The following FARS2 variants were observed in gnomAD, a reference collection of about 807,000 sequenced individuals.
FARS2 encodes the protein phenylalanine--tRNA ligase, mitochondrial.
Under a neutral mutation model 46.4 loss-of-function variants are expected in FARS2, and 40 were observed. That is an observed-to-expected ratio of 0.86 (90% CI 0.67 to 1.12). FARS2 has a LOEUF of 1.12. Ranked by LOEUF, FARS2 falls within the 50% of genes most tolerant of loss-of-function variation. The probability of loss-of-function intolerance (pLI) is 0.00; values close to 1 mark genes in which losing one functional copy is unlikely to be tolerated. For synonymous variants in FARS2, 234 were observed against 214.9 expected, an observed-to-expected ratio of 1.09 and a Z score of -0.78; for missense variants, 513 against 567.9, an observed-to-expected ratio of 0.90 and a Z score of 0.98.
intron 2 of FARS2, among the ~76,000 whole-genome samples, chr6:5,374,067 A>T (rs138081594): frequency 2.0e-5 from 3 of 152,070 alleles, no homozygotes; most frequent in African/African-American, 7.2e-5. Flanking sequence ...ACATATTGAA[A>T]TACCTAAGGG....
At chr6:5,687,549 T>G (rs557318498) in intron 6 of FARS2, among the ~76,000 whole-genome samples, 53 of 152,322 alleles carry the variant, frequency 3.5e-4, no homozygotes, top group African/African-American at 1.2e-3. Flanking sequence ...TTCTGCTCCA[T>G]TGGTCTATAT....
chr6:5,278,718 C>T (rs1766508722), intron 1 of FARS2, among the ~76,000 whole-genome samples: 1 of 152,186 alleles, frequency 6.6e-6, no homozygotes, highest in Non-Finnish European at 1.5e-5. Flanking sequence ...ATGATTTCCA[C>T]ATTTGACTCT....
intron 3 of FARS2, among the ~76,000 whole-genome samples, chr6:5,428,993 T>C (rs1029633357): frequency 6.6e-6 from 1 of 152,260 alleles, no homozygotes; most frequent in African/African-American, 2.4e-5. Context: ...ACATTCTGTA[T>C]GTTTTCATTT....
chr6:5,711,195 C>T (rs746589362), intron 6 of FARS2, among the ~76,000 whole-genome samples: 29 of 151,754 alleles, frequency 1.9e-4, no homozygotes, highest in Non-Finnish European at 3.8e-4. Flanking sequence ...GACTGGAACA[C>T]GTAAGAAGCA....
In FARS2 at chr6:5,670,878, A is replaced by G. The variant is rs1393421581; in HGVS notation, c.1217+57558A>G. Among the ~76,000 whole-genome samples, 4 of 152,158 alleles carry G rather than the reference A, an allele frequency of 2.6e-5. No individual in the cohort carries two copies. In the East Asian group the frequency reaches 7.7e-4, roughly 29 times the overall value. On this transcript the variant is annotated intron_variant, in intron 6 of 6. Transcript: ENST00000274680. Reference sequence around the variant, plus strand: ...CCGGGGCTCTTCATAATTATTACGAATTCTTAAGACTGAAATCAGGTGGCT... The same window carrying G: ...CCGGGGCTCTTCATAATTATTACGAGTTCTTAAGACTGAAATCAGGTGGCT...
intron 5 of FARS2, among the ~76,000 whole-genome samples, chr6:5,587,032 T>C (rs1347320227): frequency 2.6e-5 from 4 of 152,162 alleles, no homozygotes; most frequent in African/African-American, 9.7e-5. Context: ...ACTAAATGCT[T>C]TTATTATAAA....
chr6:5,357,128 C>T (rs1757985195), intron 1 of FARS2, among the ~76,000 whole-genome samples: 1 of 152,046 alleles, frequency 6.6e-6, no homozygotes, highest in Non-Finnish European at 1.5e-5. Flanking sequence ...TGTTTGATGT[C>T]CATCTTTTCG....
chr6:5,448,542 C>G (rs1764306592), intron 4 of FARS2, among the ~76,000 whole-genome samples: 1 of 151,316 alleles, frequency 6.6e-6, no homozygotes, highest in Non-Finnish European at 1.5e-5. Flanking sequence ...TTTCTATTCA[C>G]AGCTGCATGG....
chr6:5,602,789 C>A (rs1774610716), intron 5 of FARS2, among the ~76,000 whole-genome samples: 1 of 152,100 alleles, frequency 6.6e-6, no homozygotes. Context: ...AACCAGAATC[C>A]CACTTTTTAC....
At chr6:5,446,215 AAAG>A (rs1166497545) in intron 4 of FARS2, among the ~76,000 whole-genome samples, 1 of 151,956 alleles carries the variant, frequency 6.6e-6, no homozygotes, top group Non-Finnish European at 1.5e-5. Flanking sequence ...AAAAAAAAAA[AAAG>A]AAAATTTTTT....
rs776868850 is a variant in FARS2 at position 5,413,509 on chromosome 6, TC to T, written c.772+8810del. The stretch of plus-strand genomic sequence containing the variant: ...AGATTTAGGGAGAGAGGGAAGATTC[TC>T]CTTCTACTCTTTAGGTTCATAGAAA... On this transcript the variant is annotated intron_variant, in intron 3 of 6. Coordinates refer to ENST00000274680, the MANE Select transcript of FARS2 (RefSeq NM_006567.5). Among the ~76,000 whole-genome samples, 11 of 152,296 alleles carry T rather than the reference TC, an allele frequency of 7.2e-5. No individual in the cohort carries two copies. In the South Asian group the frequency reaches 1.0e-3, roughly 14 times the overall value.
intron 1 of FARS2, among the ~76,000 whole-genome samples, chr6:5,271,852 A>G (rs1033865676): frequency 9.9e-5 from 15 of 152,164 alleles, no homozygotes; most frequent in Middle Eastern, 3.4e-3. Flanking sequence ...TGTTTCTTCA[A>G]CATTTTACAT....
Position 5,705,735 on chromosome 6 carries a change from C to T in FARS2, c.1218-65556C>T, listed in dbSNP as rs1758712053. Among the ~76,000 whole-genome samples the T allele has an allele frequency of 2.0e-5, 3 of 152,184 alleles. No homozygotes were observed. In the South Asian group the frequency reaches 6.2e-4, roughly 32 times the overall value. ...CGAGCCATTTGGAATGTTCCCATTT[C>T]TTGAACACCTCCATGCACCCATCCC... On this transcript the variant is annotated intron_variant, in intron 6 of 6. Transcript: ENST00000274680.
chr6:5,368,801 C>T lies in FARS2; in HGVS notation c.231C>T (p.Asn77=), dbSNP rs777130213. 3 of 1,614,194 alleles carry T rather than the reference C, an allele frequency of 1.9e-6. No individual in the cohort carries two copies. Among genetic ancestry groups the T allele is most frequent in the South Asian group, 2.2e-5 (2 of 91,074 alleles). Residue 77 remains asparagine, a synonymous_variant, in exon 2 of 7, where the codon AAC becomes AAT. Transcript: ENST00000274680. The stretch of plus-strand genomic sequence containing the variant: ...AGGTCCTCACCAGAGTTGGCAGGAA[C>T]CTGCACAACCAGCAGCATCACCCTC... The part of the protein sequence containing the change: ...TRKVLTRVGR[N]LHNQQHHPLW...
intron 1 of FARS2, among the ~76,000 whole-genome samples, chr6:5,310,097 T>TGGTTTTCAAATCACTAGGGAAAGTA (rs1160287883): frequency 1.3e-5 from 2 of 152,174 alleles, no homozygotes; most frequent in East Asian, 3.8e-4. Context: ...ATGATAATGA[T>TGGTTTTCAAATCACTAGGGAAAGTA]GGTTTTCAAA....
At chr6:5,655,818 T>A (rs1306446714) in intron 6 of FARS2, among the ~76,000 whole-genome samples, 1 of 152,216 alleles carries the variant, frequency 6.6e-6, no homozygotes, top group African/African-American at 2.4e-5. Context: ...CTACCACAGG[T>A]GCTAATTAAA....
intron 1 of FARS2, among the ~76,000 whole-genome samples, chr6:5,332,643 C>G (rs1770876306): frequency 6.6e-6 from 1 of 152,198 alleles, no homozygotes; most frequent in African/African-American, 2.4e-5. Flanking sequence ...ACTGTTAATA[C>G]ACCTGAAGGT....
chr6:5,475,510 C>G (rs1171849196), intron 4 of FARS2, among the ~76,000 whole-genome samples: 3 of 152,186 alleles, frequency 2.0e-5, no homozygotes, highest in African/African-American at 7.2e-5. Context: ...GCGTTTCAGA[C>G]TAGGACTCTC....
chr6:5,707,982 C>G (rs753198134), intron 6 of FARS2, among the ~76,000 whole-genome samples: 49 of 152,216 alleles, frequency 3.2e-4, no homozygotes, highest in Admixed American at 1.5e-3. Flanking sequence ...TAGGGACTGC[C>G]TCACAGGGAA....
Sources: gnomAD v4.1 joint callset for allele counts (sites outside exome capture counted in the v4.1 genomes callset) on GRCh38, gnomAD v4.1.1 for gene constraint, MANE v1.5 for transcripts, NCBI Gene and HGNC (gene_info 2026-07-23, HGNC 2026-07-21) for gene names.